SLC52A1: variants seen among roughly 807,000 people sequenced by gnomAD.
SLC52A1 encodes solute carrier family 52 member 1, also known as solute carrier family 52, riboflavin transporter, member 1.
A neutral mutation model predicts 23.2 loss-of-function variants in SLC52A1; 20 were observed. The ratio of observed to expected loss-of-function variants is 0.86; its 90% CI spans 0.61 to 1.25. SLC52A1 has a LOEUF of 1.25. Among genes scored for constraint, SLC52A1 ranks in the 50% most tolerant of loss-of-function variants. SLC52A1 has a pLI of 0.00. For missense variants in SLC52A1, 528 were observed against 557.0 expected, an observed-to-expected ratio of 0.95 and a Z score of 0.52; for synonymous variants, 260 against 256.6, an observed-to-expected ratio of 1.01 and a Z score of -0.13.
In SLC52A1 at chr17:5,040,985, T is replaced by C. The variant is rs540893194; in HGVS notation, c.-107-6272A>G. Among the ~76,000 whole-genome samples the C allele has an allele frequency of 2.1e-3, 314 of 151,630 alleles. 2 individuals are homozygous for C. The highest frequency in any genetic ancestry group is 7.2e-3 in the African/African-American group (297 of 41,344). ...TAATTTTTTGTATTTTTAGTAGAGA[T>C]GGGGTTTCACCGTGTTAGCCAGGAT... On this transcript the variant is annotated intron_variant, in intron 1 of 3. Transcript: ENST00000512825.
intron 1 of SLC52A1, among the ~76,000 whole-genome samples, chr17:5,040,799 C>CT (rs373726723): frequency 0.073 from 10,502 of 144,130 alleles, 422 homozygotes; most frequent in Middle Eastern, 0.15. Flanking sequence ...CCGAATAGCA[C>CT]TTTTTTTTTT....
At position 5,033,316 on chromosome 17, in the gene SLC52A1, G is replaced by A. The variant is rs756988908; in HGVS notation, c.1079C>T (p.Ala360Val). 1 of 1,602,984 alleles carries A rather than the reference G, an allele frequency of 6.2e-7. No homozygotes were observed. The highest frequency in any genetic ancestry group is 1.3e-5 in the African/African-American group (1 of 74,416). ...CAGGGGTGGGCAGGGGCTCAGGATT[G>A]CCAGTGCCATCAGGTAGGCCCCAAA... ...MLFGAYLMALAILSPCPPLVG... is the reference protein window; with the variant it reads ...MLFGAYLMALVILSPCPPLVG... Residue 360 changes from alanine (A) to valine (V), a missense_variant, in exon 4 of 5, where the codon GCA (alanine) becomes GTA (valine). Ala to Val is a moderately conservative substitution (Grantham distance 64). Transcript: ENST00000254853.
chr17:5,040,099 G>A (rs1424018694), upstream of SLC52A1, among the ~76,000 whole-genome samples: 4 of 152,186 alleles, frequency 2.6e-5, no homozygotes, highest in Non-Finnish European at 5.9e-5. Context: ...GATACTTGAA[G>A]TAGAAAGTGG....
At chr17:5,042,248 T>C (rs1975552625) in intron 1 of SLC52A1, among the ~76,000 whole-genome samples, 1 of 152,182 alleles carries the variant, frequency 6.6e-6, no homozygotes, top group South Asian at 2.1e-4. Flanking sequence ...CCTTCATTCA[T>C]GAACTGTTGT....
At chr17:5,037,583 C>T (rs918339546), upstream of SLC52A1, among the ~76,000 whole-genome samples, 1 of 152,088 alleles carries the variant, frequency 6.6e-6, no homozygotes, top group African/African-American at 2.4e-5. Flanking sequence ...CAGCCAAGCC[C>T]ATTCATTTAC....
At position 5,033,080 on chromosome 17, in the gene SLC52A1, C is replaced by T. The variant is rs1975352266; in HGVS notation, c.1224G>A (p.Leu408=). The part of the protein sequence containing the change: ...SLLHGGGRPA[L]LAAGVAIQVG... ...CTTGGATGGCCACACCAGCTGCCAGCAATGCCGGCCGACCCCCACCATGCA... is the reference window on the plus strand; with the variant it reads ...CTTGGATGGCCACACCAGCTGCCAGTAATGCCGGCCGACCCCCACCATGCA... Residue 408 remains leucine, a synonymous_variant, in exon 5 of 5, where the codon TTG becomes TTA. Transcript: ENST00000254853. 1.2e-6 allele frequency: 2 copies of T among 1,613,546 alleles called. No homozygotes were observed. Among genetic ancestry groups the T allele is most frequent in the South Asian group, 2.2e-5 (2 of 91,088 alleles).
upstream of SLC52A1, among the ~76,000 whole-genome samples, chr17:5,036,311 G>A (rs1051629185): frequency 8.7e-5 from 13 of 149,546 alleles, no homozygotes; most frequent in African/African-American, 3.2e-4. Flanking sequence ...GATTACAGGC[G>A]TGAGCCACCG....
At position 5,034,677 on chromosome 17, in the gene SLC52A1, G is replaced by T; in HGVS notation, c.-71C>A. On this transcript the variant is annotated 5_prime_UTR_variant, in exon 2 of 5. Transcript: ENST00000254853. ...AGGTCCTTCCCTAGGTAGGTCCAAA[G>T]ATGCTTTGGTTCTTCTGGAAACTGA... 6.3e-7 allele frequency: 1 copy of T among 1,582,110 alleles called. No individual in the cohort carries two copies. Among genetic ancestry groups the T allele is most frequent in the Non-Finnish European group, 8.6e-7 (1 of 1,164,802 alleles).
upstream of SLC52A1, among the ~76,000 whole-genome samples, chr17:5,035,638 G>C (rs1294398851): frequency 6.6e-6 from 1 of 152,198 alleles, no homozygotes; most frequent in Non-Finnish European, 1.5e-5. Context: ...CCCTCCGCCG[G>C]GGAGGCGGCC....
At chr17:5,037,811 G>A (rs1975490920), upstream of SLC52A1, among the ~76,000 whole-genome samples, 1 of 151,860 alleles carries the variant, frequency 6.6e-6, no homozygotes, top group African/African-American at 2.4e-5. Flanking sequence ...CACATAGGAC[G>A]TGCTCAAATT....
chr17:5,042,236 GC>G (rs1235680122), intron 1 of SLC52A1, among the ~76,000 whole-genome samples: 1 of 152,158 alleles, frequency 6.6e-6, no homozygotes, highest in African/African-American at 2.4e-5. Context: ...GCACTTGAAG[GC>G]CCTTCATTCA....
chr17:5,035,455 A>T (rs1464160471), upstream of SLC52A1: 2 of 152,228 alleles, frequency 1.3e-5, no homozygotes, highest in African/African-American at 4.8e-5. Context: ...AGGCAGGTCG[A>T]GTTGGAGAGG....
chr17:5,038,874 C>G (rs900862255), upstream of SLC52A1, among the ~76,000 whole-genome samples: 2 of 152,144 alleles, frequency 1.3e-5, no homozygotes, highest in Non-Finnish European at 2.9e-5. Context: ...AGGCGTGAGC[C>G]ACCGCGCCTG....
Position 5,032,799 on chromosome 17 carries a change from AC to A in SLC52A1, c.*157del, listed in dbSNP as rs1975341791. On this transcript the variant is annotated 3_prime_UTR_variant, in exon 5 of 5. Coordinates refer to ENST00000254853, the MANE Select transcript of SLC52A1 (RefSeq NM_017986.4). ...GCTCTGGGCCTGGTCTTTGGTGCCC[AC>A]CCTGGCCTCACATGCCAACGTCTTC... The A allele has an allele frequency of 2.9e-6, 2 of 696,018 alleles. No individual in the cohort carries two copies. The highest frequency in any genetic ancestry group is 4.8e-6 in the Non-Finnish European group (2 of 420,200). The allele number at this position is 696,018 out of a possible 1,614,324, so 43.1% of individuals were successfully genotyped here.
chr17:5,037,576 C>A (rs575542823), upstream of SLC52A1, among the ~76,000 whole-genome samples: 1 of 152,078 alleles, frequency 6.6e-6, no homozygotes, highest in Non-Finnish European at 1.5e-5. Flanking sequence ...CAGAACACAG[C>A]CAAGCCCATT....
intron 1 of SLC52A1, among the ~76,000 whole-genome samples, chr17:5,042,261 A>C (rs555482319): frequency 6.6e-6 from 1 of 152,316 alleles, no homozygotes; most frequent in East Asian, 1.9e-4. Context: ...ACTGTTGTGC[A>C]GGGGATAAAC....
upstream of SLC52A1, among the ~76,000 whole-genome samples, chr17:5,037,524 C>G (rs1000102935): frequency 1.3e-5 from 2 of 151,904 alleles, no homozygotes; most frequent in Non-Finnish European, 2.9e-5. Flanking sequence ...ATCCACCCCC[C>G]CAAACAAAAA....
intron 2 of SLC52A1, 58 bp downstream of exon 2, chr17:5,034,419 C>T: frequency 3.7e-6 from 6 of 1,608,486 alleles, no homozygotes; most frequent in Non-Finnish European, 5.1e-6. Flanking sequence ...AGAGCTGCCA[C>T]AGGCCACCTT....
In SLC52A1 at chr17:5,032,860, G is replaced by C. The variant is rs1460287872; in HGVS notation, c.*97C>G. On this transcript the variant is annotated 3_prime_UTR_variant, in exon 5 of 5. Coordinates refer to ENST00000254853, the MANE Select transcript of SLC52A1 (RefSeq NM_017986.4). ...TGCAGGTGTCCATGAGCGTTCCTGT[G>C]TTGGGGGAAGCCTGCCTGGGCCACA... 2.6e-6 allele frequency: 3 copies of C among 1,156,524 alleles called. No individual in the cohort carries two copies. Among genetic ancestry groups the C allele is most frequent in the African/African-American group, 1.5e-5 (1 of 65,970 alleles). 71.6% of individuals were successfully genotyped at this position (1,156,524 alleles called of 1,614,324 possible).
Sources: gnomAD v4.1 joint callset for allele counts (sites outside exome capture counted in the v4.1 genomes callset) on GRCh38, gnomAD v4.1.1 for gene constraint, MANE v1.5 for transcripts, NCBI Gene and HGNC (gene_info 2026-07-23, HGNC 2026-07-21) for gene names.